GRIK1: variants seen among roughly 807,000 people sequenced by gnomAD.
The protein encoded by GRIK1 is glutamate ionotropic receptor kainate type subunit 1.
In GRIK1, 69 loss-of-function variants were observed where a neutral mutation model predicts 105.7. That is an observed-to-expected ratio of 0.65 (90% CI 0.54 to 0.80). GRIK1 has a LOEUF of 0.80. GRIK1 is among the 30% of genes least tolerant of loss of function. The pLI, the probability that GRIK1 is intolerant of heterozygous loss-of-function variation, is 0.00. For synonymous variants in GRIK1, 438 were observed against 431.3 expected (o/e 1.02, Z -0.19); for missense variants, 1,109 against 1,167.3 (o/e 0.95, Z 0.73).
At chr21:29,655,304 A>G (rs2062827770) in intron 4 of GRIK1, among the ~76,000 whole-genome samples, 1 of 152,064 alleles carries the variant, frequency 6.6e-6, no homozygotes, top group Non-Finnish European at 1.5e-5. Context: ...GCTACTCGGG[A>G]GGCTGAGGCG....
At chr21:29,652,606 A>G (rs1229406841) in intron 5 of GRIK1, among the ~76,000 whole-genome samples, 1 of 152,238 alleles carries the variant, frequency 6.6e-6, no homozygotes, top group East Asian at 1.9e-4. Flanking sequence ...TTCTAAATTG[A>G]TTCACATTTA....
intron 1 of GRIK1, among the ~76,000 whole-genome samples, chr21:29,868,022 A>C (rs7280758): frequency 1.0e-5 from 1 of 96,084 alleles, no homozygotes; most frequent in Non-Finnish European, 2.0e-5. Context: ...AAAAGACAGA[A>C]AGAAAGGAAG....
At chr21:29,602,088 C>T (rs363458) in intron 7 of GRIK1, among the ~76,000 whole-genome samples, 3,257 of 152,246 alleles carry the variant, frequency 0.021, 53 homozygotes, top group Non-Finnish European at 0.036. Context: ...TCAAGTTTTG[C>T]GGCCTTGGTT....
rs760980610 is a variant in GRIK1, at chr21:29,690,003, G to A, written c.287-18C>T. On this transcript the variant is annotated intron_variant, in intron 2 of 17. Transcript: ENST00000327783. ...GTCACATGCTGATGCCCAAGGACAA[G>A]GAGAGGATGGGGAGGGAGGGCAGGG... The A allele has an allele frequency of 4.4e-6, 7 of 1,600,394 alleles. No individual in the cohort carries two copies. The highest frequency in any genetic ancestry group is 5.1e-6 in the Non-Finnish European group (6 of 1,169,490).
intron 3 of GRIK1, among the ~76,000 whole-genome samples, chr21:29,674,573 G>A (rs1297885834): frequency 1.3e-5 from 2 of 151,958 alleles, no homozygotes; most frequent in African/African-American, 2.4e-5. Flanking sequence ...TCATGAGGGC[G>A]GATATCCCCC....
chr21:29,910,065 G>A (rs933708410), intron 1 of GRIK1, among the ~76,000 whole-genome samples: 7 of 152,082 alleles, frequency 4.6e-5, no homozygotes, highest in African/African-American at 1.7e-4. Flanking sequence ...GTAACTCAAA[G>A]TATAAATGCT....
At chr21:29,852,330 T>C (rs1173466074) in intron 1 of GRIK1, among the ~76,000 whole-genome samples, 1 of 152,198 alleles carries the variant, frequency 6.6e-6, no homozygotes, top group Admixed American at 6.5e-5. Flanking sequence ...CTGAGTAACT[T>C]GGGCACCTCT....
At chr21:29,654,584 T>A (rs771835984) in intron 5 of GRIK1, among the ~76,000 whole-genome samples, 5 of 151,562 alleles carry the variant, frequency 3.3e-5, no homozygotes, top group Non-Finnish European at 7.4e-5. Flanking sequence ...GCACATGCAT[T>A]GATACTAGTT....
Position 29,577,175 on chromosome 21 carries a change from T to A in GRIK1, c.1919A>T (p.Glu640Val). Residue 640 changes from glutamate (E) to valine (V), a missense_variant, in exon 14 of 18, where the codon GAG becomes GTG. Physicochemically the swap from Glu to Val is moderately radical, Grantham distance 121. This residue lies in a region of GRIK1 where 264 missense variants were observed against 306.9 expected (regional missense o/e 0.86). Transcript: ENST00000327783. ...GGTCGATAGAGCTTTGGGCATCAGCTCTGATCCTGTGATGGTATCATCAGA... is the reference window on the plus strand; with the variant it reads ...GGTCGATAGAGCTTTGGGCATCAGCACTGATCCTGTGATGGTATCATCAGA... ...GVGALMQQGSELMPKALSTRI... is the reference protein window; with the variant it reads ...GVGALMQQGSVLMPKALSTRI... 6.3e-7 allele frequency: 1 copy of A among 1,580,730 alleles called. No homozygotes were observed. The highest frequency in any genetic ancestry group is 1.7e-5 in the Admixed American group (1 of 59,970).
chr21:29,677,583 GA>G (rs11301146), intron 3 of GRIK1, among the ~76,000 whole-genome samples: 2,687 of 142,492 alleles, frequency 0.019, 72 homozygotes, highest in African/African-American at 0.065. Flanking sequence ...TATGGAGGAG[GA>G]AAAAAAAAAA....
At chr21:29,558,398 A>ACG (rs1568809323) in intron 15 of GRIK1, among the ~76,000 whole-genome samples, 3 of 147,322 alleles carry the variant, frequency 2.0e-5, no homozygotes, top group African/African-American at 8.0e-5. Context: ...ACACACACAC[A>ACG]TATCTTCCTG....
chr21:29,554,140 G>C lies in GRIK1; in HGVS notation c.2607+912C>G, dbSNP rs1000903237. Among the ~76,000 whole-genome samples, 4 of 152,230 alleles carry C rather than the reference G, an allele frequency of 2.6e-5. No individual in the cohort carries two copies. The East Asian group carries it at 5.8e-4, about 22-fold the overall frequency. The stretch of plus-strand genomic sequence containing the variant: ...AGCCACATAATTTGCAGGGTCCAGT[G>C]CGAAATGAAAATATGGGACACTTTG... On this transcript the variant is annotated intron_variant, in intron 16 of 17. Coordinates refer to ENST00000327783, the MANE Select transcript of GRIK1 (RefSeq NM_001330994.2).
intron 1 of GRIK1, among the ~76,000 whole-genome samples, chr21:29,930,717 T>C (rs150413115): frequency 6.6e-6 from 1 of 152,346 alleles, no homozygotes; most frequent in African/African-American, 2.4e-5. Context: ...TAATGTCTGA[T>C]TTTCTACAAA....
chr21:29,804,512 TGAATATA>T (rs1195210248), intron 1 of GRIK1, among the ~76,000 whole-genome samples: 3 of 152,124 alleles, frequency 2.0e-5, no homozygotes, highest in Non-Finnish European at 4.4e-5. Flanking sequence ...TTGAATACAA[TGAATATA>T]GAAGAAGCTG....
At position 29,772,756 on chromosome 21, in the gene GRIK1, G is replaced by T. The variant is rs1043057918; in HGVS notation, c.119-78693C>A. ...GTGCAAAGAGCCATCAACAAATTAG[G>T]CAGAAGCAGTTTGCAAAGTAGATGG... On this transcript the variant is annotated intron_variant, in intron 1 of 17. Coordinates refer to ENST00000327783, the MANE Select transcript of GRIK1 (RefSeq NM_001330994.2). 2.6e-5 allele frequency among the ~76,000 whole-genome samples: 4 copies of T among 152,278 alleles called. No individual in the cohort carries two copies. In the South Asian group the frequency reaches 6.2e-4, roughly 24 times the overall value.
intron 1 of GRIK1, among the ~76,000 whole-genome samples, chr21:29,867,161 T>C (rs911190346): frequency 1.3e-5 from 2 of 152,150 alleles, no homozygotes; most frequent in African/African-American, 2.4e-5. Context: ...TTAAATCTGT[T>C]AGAATTTAGA....
chr21:29,837,293 A>G (rs1470716690), intron 1 of GRIK1, among the ~76,000 whole-genome samples: 1 of 152,176 alleles, frequency 6.6e-6, no homozygotes, highest in East Asian at 1.9e-4. Context: ...GGGAGGCTCT[A>G]CAAGTGTTTA....
rs770015758 is a variant in GRIK1 at position 29,553,747 on chromosome 21, TAAATC to T, written c.2607+1300_2607+1304del. On this transcript the variant is annotated intron_variant, in intron 16 of 17. Transcript: ENST00000327783. The stretch of plus-strand genomic sequence containing the variant: ...TGAGAAAAAAATATAGAAAAATGAA[TAAATC>T]AGAAGCAAGAATGAATGTTTAAATG... The T allele has an allele frequency of 8.1e-5, 96 of 1,186,544 alleles. 1 individual carries two copies. Among genetic ancestry groups the T allele is most frequent in the Non-Finnish European group, 1.1e-4 (95 of 833,144 alleles). The allele number at this position is 1,186,544 out of a possible 1,614,324, so 73.5% of individuals were successfully genotyped here.
At chr21:29,556,692 T>C (rs893068668) in intron 15 of GRIK1, among the ~76,000 whole-genome samples, 1 of 152,178 alleles carries the variant, frequency 6.6e-6, no homozygotes, top group Non-Finnish European at 1.5e-5. Flanking sequence ...CTCTCTCTTT[T>C]TCCAAATATA....
Sources: allele counts gnomAD v4.1 joint callset (sites outside exome capture counted in the v4.1 genomes callset), GRCh38; gene constraint gnomAD v4.1.1; regional missense constraint gnomAD v4.1.1; transcripts MANE v1.5; gene names NCBI Gene and HGNC (gene_info 2026-07-23, HGNC 2026-07-21).